TRMT9B: variants seen among roughly 807,000 people sequenced by gnomAD.
TRMT9B encodes tRNA methyltransferase 9B (putative).
Under a neutral mutation model 11.5 loss-of-function variants are expected in TRMT9B, and 16 were observed. The ratio of observed to expected loss-of-function variants is 1.39; its 90% CI spans 0.94 to 2.11. TRMT9B has a LOEUF of 2.11. TRMT9B is among the 30% of genes most tolerant of loss of function. TRMT9B has a pLI of 0.00. For missense variants in TRMT9B, 941 were observed against 553.8 expected (o/e 1.70, Z -7.02); for synonymous variants, 274 against 192.4 (o/e 1.42, Z -3.51).
intron 3 of TRMT9B, chr8:13,010,658 T>C (rs1811417588): frequency 2.0e-6 from 2 of 984,940 alleles, no homozygotes; most frequent in Non-Finnish European, 2.4e-6. Context: ...CAGGCCCTCC[T>C]CATTCTAAAG....
In TRMT9B at chr8:13,022,045, T is replaced by C. The variant is rs369000424; in HGVS notation, c.*1T>C. The C allele has an allele frequency of 2.0e-5, 32 of 1,561,572 alleles. No homozygotes were observed. The highest frequency in any genetic ancestry group is 1.2e-4 in the Admixed American group (6 of 51,772). ...AGAGAAAAAGAGAGGTTGTGATTGA[T>C]TGGATCCTTTTAGACAACTCCTCCA... On this transcript the variant is annotated 3_prime_UTR_variant, in exon 5 of 5. Transcript: ENST00000524591.
rs531412817 is a variant in TRMT9B at position 12,997,175 on chromosome 8, A to G, written c.-2+6144A>G. ...ATCTCATGTTAAAATGTGACCCCCA[A>G]TGTTGGAGGTGGGGACTATTGGGAT... On this transcript the variant is annotated intron_variant, in intron 2 of 4. Transcript: ENST00000524591. Among the ~76,000 whole-genome samples, 51 of 151,990 alleles carry G rather than the reference A, an allele frequency of 3.4e-4. 1 individual carries two copies. Among genetic ancestry groups the G allele is most frequent in the African/African-American group, 7.2e-4 (30 of 41,428 alleles).
chr8:12,945,821 A>G lies in TRMT9B; in HGVS notation c.-345A>G, dbSNP rs1479918990. 6.6e-6 allele frequency: 1 copy of G among 151,662 alleles called. No individual in the cohort carries two copies. Among genetic ancestry groups the G allele is most frequent in the African/African-American group, 2.4e-5 (1 of 41,284 alleles). 9.4% of individuals were successfully genotyped at this position (151,662 alleles called of 1,614,324 possible). ...TTTTGAATTTTTTTTCTTGATGCAT[A>G]TGTTCCTTCAACTTATTCAGTACTT... On this transcript the variant is annotated 5_prime_UTR_variant, in exon 1 of 5. It adds an upstream start codon to the 5' untranslated region. Coordinates refer to ENST00000524591, the MANE Select transcript of TRMT9B (RefSeq NM_020844.3).
chr8:13,006,441 T>C lies in TRMT9B; in HGVS notation c.154+85T>C, dbSNP rs371457753. ...TAACCAGGCAGCCTCATCGCTGACA[T>C]AGGTAACCAGGCAGCCTCATTGCTG... On this transcript the variant is annotated intron_variant, in intron 3 of 4. Coordinates refer to ENST00000524591, the MANE Select transcript of TRMT9B (RefSeq NM_020844.3). 20 of 1,555,918 alleles carry C rather than the reference T, an allele frequency of 1.3e-5. No individual in the cohort carries two copies. In the East Asian group the frequency reaches 1.8e-4, roughly 14 times the overall value.
intron 1 of TRMT9B, among the ~76,000 whole-genome samples, chr8:12,981,507 A>G (rs112483795): frequency 0.026 from 3,895 of 152,274 alleles, 66 homozygotes; most frequent in South Asian, 0.053. Context: ...AGCATTGGAG[A>G]TTGGAGACCA....
chr8:12,984,905 C>T (rs1291490851), intron 1 of TRMT9B, among the ~76,000 whole-genome samples: 1 of 151,574 alleles, frequency 6.6e-6, no homozygotes, highest in African/African-American at 2.4e-5. Context: ...GCTGTGAGCT[C>T]TCTTTTCCGA....
At chr8:12,976,468 A>G (rs1043832097) in intron 1 of TRMT9B, among the ~76,000 whole-genome samples, 1 of 151,954 alleles carries the variant, frequency 6.6e-6, no homozygotes, top group Non-Finnish European at 1.5e-5. Context: ...GGCCGGGTGC[A>G]GTGGCTCGTG....
At chr8:13,003,133 G>C (rs189063807) in intron 2 of TRMT9B, among the ~76,000 whole-genome samples, 1 of 152,244 alleles carries the variant, frequency 6.6e-6, no homozygotes, top group Admixed American at 6.5e-5. Context: ...GACTCTGCCA[G>C]AGAAAAATAT....
At chr8:12,987,762 A>T (rs1585219924) in intron 1 of TRMT9B, among the ~76,000 whole-genome samples, 1 of 152,104 alleles carries the variant, frequency 6.6e-6, no homozygotes, top group East Asian at 1.9e-4. Context: ...CCTACCTTAA[A>T]CGTGCTCAGA....
intron 1 of TRMT9B, among the ~76,000 whole-genome samples, chr8:12,973,851 G>A (rs773174363): frequency 1.3e-5 from 2 of 152,084 alleles, no homozygotes; most frequent in East Asian, 1.9e-4. Flanking sequence ...CTCAGTTCAC[G>A]CCAGTGCCAG....
intron 1 of TRMT9B, among the ~76,000 whole-genome samples, chr8:12,990,042 G>A (rs866796166): frequency 3.3e-5 from 5 of 152,258 alleles, no homozygotes; most frequent in East Asian, 3.9e-4. Flanking sequence ...GAAGGCACAC[G>A]CATCTCTGAG....
At chr8:12,971,260 T>C (rs1420266851) in intron 1 of TRMT9B, among the ~76,000 whole-genome samples, 2 of 152,194 alleles carry the variant, frequency 1.3e-5, no homozygotes, top group African/African-American at 4.8e-5. Flanking sequence ...TTTTCTTTTT[T>C]TGTTTTGTTT....
chr8:12,987,161 C>G (rs975978345), intron 1 of TRMT9B, among the ~76,000 whole-genome samples: 3 of 152,178 alleles, frequency 2.0e-5, no homozygotes, highest in African/African-American at 7.2e-5. Context: ...GGTTCAAATC[C>G]TGGCTCTGCC....
Position 13,017,882 on chromosome 8 carries a change from T to G in TRMT9B, c.329-3126T>G, listed in dbSNP as rs193039106. ...CAAGTGATCCGCCCACCTCAGCCCC[T>G]CAAAGTGCTGGAATTACAGGTGTGA... On this transcript the variant is annotated intron_variant, in intron 4 of 4. Transcript: ENST00000524591. Among the ~76,000 whole-genome samples the G allele has an allele frequency of 5.3e-5, 8 of 151,758 alleles. 1 individual carries two copies. The highest frequency in any genetic ancestry group is 5.3e-4 in the Admixed American group (8 of 15,214).
Position 13,024,895 on chromosome 8 carries a change from C to T in TRMT9B, c.*2851C>T, listed in dbSNP as rs1814506240. ...GGAAAGCTCTTTTAAATTTAACTTC[C>T]GCCTTTGGATTTTTTTTAAAAAGCC... is the stretch of plus-strand genomic sequence containing the variant. On this transcript the variant is annotated 3_prime_UTR_variant, in exon 5 of 5. Transcript: ENST00000524591. The T allele has an allele frequency of 2.4e-5, 4 of 166,828 alleles. No individual in the cohort carries two copies. The highest frequency in any genetic ancestry group is 2.0e-4 in the Admixed American group (3 of 15,250). The allele number at this position is 166,828 out of a possible 1,614,324, so 10.3% of individuals were successfully genotyped here.
intron 2 of TRMT9B, among the ~76,000 whole-genome samples, chr8:12,995,058 G>A (rs1041612796): frequency 2.6e-5 from 4 of 152,190 alleles, no homozygotes; most frequent in African/African-American, 9.7e-5. Context: ...TCATGCATTC[G>A]TTTGAAGATG....
chr8:12,997,734 C>T (rs1286670226), intron 2 of TRMT9B, among the ~76,000 whole-genome samples: 1 of 152,054 alleles, frequency 6.6e-6, no homozygotes, highest in African/African-American at 2.4e-5. Flanking sequence ...ATATGGGTGT[C>T]CATTTCTTTC....
chr8:12,976,283 G>T (rs779216543), intron 1 of TRMT9B, among the ~76,000 whole-genome samples: 1 of 152,140 alleles, frequency 6.6e-6, no homozygotes, highest in Non-Finnish European at 1.5e-5. Flanking sequence ...GCCTTTTAGA[G>T]ACCATTTCAC....
chr8:12,980,210 G>A (rs540524377), intron 1 of TRMT9B, among the ~76,000 whole-genome samples: 3 of 152,170 alleles, frequency 2.0e-5, no homozygotes, highest in African/African-American at 7.2e-5. Context: ...ATTCTCCACA[G>A]GAAAATTCCT....
Sources: allele counts gnomAD v4.1 joint callset (sites outside exome capture counted in the v4.1 genomes callset), GRCh38; gene constraint gnomAD v4.1.1; transcripts MANE v1.5; gene names NCBI Gene and HGNC (gene_info 2026-07-23, HGNC 2026-07-21).